TENM1: variants seen among roughly 807,000 people sequenced by gnomAD.
The protein encoded by TENM1 is teneurin transmembrane protein 1.
Under a neutral mutation model 174.8 loss-of-function variants are expected in TENM1, and 35 were observed. That is an observed-to-expected ratio of 0.20 (90% CI 0.15 to 0.27). The LOEUF is 0.27. Among genes scored for constraint, TENM1 ranks in the 10% least tolerant of loss-of-function variants. TENM1 has a pLI of 1.00. For synonymous variants in TENM1, 781 were observed against 798.7 expected, an observed-to-expected ratio of 0.98 and a Z score of 0.37; for missense variants, 1,633 against 2,130.1, an observed-to-expected ratio of 0.77 and a Z score of 4.59.
chrX:124,757,295 G>T (rs2054282727), intron 3 of TENM1, among the ~76,000 whole-genome samples: 1 of 112,681 alleles, frequency 8.9e-6, no homozygotes. Context: ...GACCCTCCAA[G>T]CCAGGTGCGG....
intron 3 of TENM1, among the ~76,000 whole-genome samples, chrX:124,802,909 A>G (rs2055493560): frequency 1.8e-5 from 2 of 112,410 alleles, no homozygotes; most frequent in Admixed American, 9.4e-5. Flanking sequence ...TATGTCATCA[A>G]TAGATAATAG....
rs1206170078 is a variant in TENM1 at position 124,497,152 on chromosome X, C to T, written c.3559G>A (p.Gly1187Ser). 1 of 1,210,312 alleles carries T rather than the reference C, an allele frequency of 8.3e-7. No homozygotes were observed. The highest frequency in any genetic ancestry group is 2.2e-5 in the Admixed American group (1 of 45,828). Residue 1187 changes from glycine (G) to serine (S), a missense_variant, in exon 20 of 32, where the codon GGC becomes AGC. This residue lies in a region of TENM1 where 449 missense variants were observed against 636.2 expected (regional missense o/e 0.71). Transcript: ENST00000422452. ...AAGAGTTTGTTGTTGTGGGCTGGGC[C>T]ATTGCAGTTGGTGCAGGCTACACTC...
intron 23 of TENM1, 97 bp from the exon 27 acceptor site, chrX:124,422,735 C>T (rs892795706): frequency 4.3e-5 from 39 of 897,054 alleles, no homozygotes; most frequent in East Asian, 6.3e-5. Context: ...GTATTGTTTC[C>T]CCCGTCTTAT....
the TENM1 span, among the ~76,000 whole-genome samples, chrX:125,093,056 T>C: frequency 1.6e-3 from 181 of 112,249 alleles, 3 homozygotes; most frequent in East Asian, 0.045. Context: ...CTGATAAGTG[T>C]ATTCTGTATG....
chrX:124,526,402 C>A (rs928521943), intron 16 of TENM1, among the ~76,000 whole-genome samples: 16 of 111,842 alleles, frequency 1.4e-4, no homozygotes, highest in African/African-American at 5.2e-4. Context: ...TATGTTGTTT[C>A]CCTGGAAAGC....
chrX:124,997,001 G>A, the TENM1 span, among the ~76,000 whole-genome samples: 2 of 111,361 alleles, frequency 1.8e-5, no homozygotes, highest in African/African-American at 3.3e-5. Context: ...TTTAAAAGAC[G>A]GTGAAGACAT....
At chrX:124,880,551 C>T (rs989866807) in intron 3 of TENM1, among the ~76,000 whole-genome samples, 1 of 111,733 alleles carries the variant, frequency 8.9e-6, no homozygotes, top group African/African-American at 3.3e-5. Context: ...CTAGGACTTC[C>T]AGTACTATGA....
At chrX:124,966,660 T>A (rs2058731367), upstream of TENM1, among the ~76,000 whole-genome samples, 1 of 100,649 alleles carries the variant, frequency 9.9e-6, no homozygotes, top group Non-Finnish European at 2.0e-5. Context: ...AGACTCCGTC[T>A]CAAAAAAAAA....
the TENM1 span, among the ~76,000 whole-genome samples, chrX:125,080,487 T>C: frequency 1.1e-3 from 119 of 111,446 alleles, no homozygotes; most frequent in Non-Finnish European, 1.1e-3. Flanking sequence ...GTTTACTATA[T>C]ACAAGACATA....
chrX:124,798,991 G>T (rs1325079183), intron 3 of TENM1, among the ~76,000 whole-genome samples: 1 of 111,249 alleles, frequency 9.0e-6, no homozygotes, highest in African/African-American at 3.3e-5. Context: ...TCAAAGATCA[G>T]ATTGTTGCAT....
intron 23 of TENM1, among the ~76,000 whole-genome samples, chrX:124,429,322 T>C (rs977057351): frequency 2.1e-4 from 23 of 111,751 alleles, no homozygotes; most frequent in Non-Finnish European, 3.8e-4. Flanking sequence ...CAATGCTTTA[T>C]GAGTTTTGAC....
intron 1 of TENM1, among the ~76,000 whole-genome samples, chrX:124,943,056 G>A (rs978361158): frequency 4.5e-5 from 5 of 111,449 alleles, no homozygotes; most frequent in Admixed American, 3.8e-4. Flanking sequence ...AGGCAGAAGG[G>A]AGGGCTGTAC....
intron 16 of TENM1, among the ~76,000 whole-genome samples, chrX:124,526,644 A>C (rs1338026989): frequency 8.9e-6 from 1 of 112,388 alleles, no homozygotes; most frequent in Non-Finnish European, 1.9e-5. Context: ...GTCATATGAG[A>C]GTGGATATAA....
intron 23 of TENM1, among the ~76,000 whole-genome samples, chrX:124,434,754 G>A (rs1046851114): frequency 8.9e-6 from 1 of 111,856 alleles, no homozygotes; most frequent in Non-Finnish European, 1.9e-5. Flanking sequence ...CAGCTAATTT[G>A]TTTGTAAATT....
chrX:124,823,190 A>G (rs2056078491), intron 3 of TENM1, among the ~76,000 whole-genome samples: 1 of 112,172 alleles, frequency 8.9e-6, no homozygotes, highest in Non-Finnish European at 1.9e-5. Flanking sequence ...ATAATATGGT[A>G]GACATCTACA....
chrX:124,978,682 T>C, the TENM1 span, among the ~76,000 whole-genome samples: 4 of 111,927 alleles, frequency 3.6e-5, no homozygotes, highest in African/African-American at 9.7e-5. Flanking sequence ...GGCTGGTCAA[T>C]GATTGCGCAG....
intron 6 of TENM1, among the ~76,000 whole-genome samples, chrX:124,660,684 A>AC (rs752871955): frequency 8.2e-4 from 92 of 112,048 alleles, no homozygotes; most frequent in African/African-American, 2.7e-3. Flanking sequence ...ACCATTTTAC[A>AC]CCCATTAGGA....
intron 3 of TENM1, among the ~76,000 whole-genome samples, chrX:124,837,797 G>GA (rs984548061): frequency 1.0e-3 from 110 of 105,733 alleles, no homozygotes; most frequent in South Asian, 3.6e-3. Flanking sequence ...AGGTTAGACA[G>GA]AAAAAAAAAA....
At chrX:124,526,197 G>T (rs2047972022) in intron 16 of TENM1, among the ~76,000 whole-genome samples, 1 of 111,612 alleles carries the variant, frequency 9.0e-6, no homozygotes, top group Non-Finnish European at 1.9e-5. Flanking sequence ...CCTTGATAAT[G>T]TGGGTGGGCA....
Sources: gnomAD v4.1 joint callset for allele counts (sites outside exome capture counted in the v4.1 genomes callset) on GRCh38, gnomAD v4.1.1 for gene constraint, gnomAD v4.1.1 regional missense constraint, MANE v1.5 for transcripts, NCBI Gene and HGNC (gene_info 2026-07-23, HGNC 2026-07-21) for gene names.